SLC2A9: variants seen among roughly 807,000 people sequenced by gnomAD.
The protein encoded by SLC2A9 is solute carrier family 2 member 9.
SLC2A9 carries 39 observed loss-of-function variants against 50.6 expected under a neutral mutation model. The ratio of observed to expected loss-of-function variants is 0.77; its 90% confidence interval spans 0.60 to 1.01. The LOEUF (loss-of-function observed/expected upper bound fraction) is 1.01, where lower values mean the gene tolerates loss of function less well. Ranked by LOEUF, SLC2A9 falls within the 50% of genes least tolerant of loss-of-function variation. The pLI, the probability that SLC2A9 is intolerant of heterozygous loss-of-function variation, is 0.00. For missense variants in SLC2A9, 686 were observed against 677.6 expected (o/e 1.01, Z -0.14); for synonymous variants, 324 against 276.9 (o/e 1.17, Z -1.69).
At chr4:9,845,579 G>A (rs573987786) in intron 10 of SLC2A9, among the ~76,000 whole-genome samples, 9 of 150,378 alleles carry the variant, frequency 6.0e-5, no homozygotes, top group South Asian at 4.2e-4. Context: ...ACAGGCGCCC[G>A]CTACCACGAC....
At chr4:9,799,692 A>ACCCCCCCCCCCCCCCCCCCCTCCCCCC (rs57223650) in intron 3 of SLC2A9, among the ~76,000 whole-genome samples, 1 of 69,810 alleles carries the variant, frequency 1.4e-5, no homozygotes, top group East Asian at 4.8e-4. Context: ...TTCCAATTGT[A>ACCCCCCCCCCCCCCCCCCCCTCCCCCC]CCCCCCCCCC....
At chr4:9,970,506 T>A (rs918363442) in intron 5 of SLC2A9, among the ~76,000 whole-genome samples, 1 of 152,064 alleles carries the variant, frequency 6.6e-6, no homozygotes, top group African/African-American at 2.4e-5. Flanking sequence ...AACCACAGTT[T>A]CTGTCTGGGT....
At chr4:9,813,458 A>ACCTGCC (rs1723145421) in intron 3 of SLC2A9, among the ~76,000 whole-genome samples, 1 of 152,152 alleles carries the variant, frequency 6.6e-6, no homozygotes, top group Admixed American at 6.5e-5. Context: ...CTGCATCTGC[A>ACCTGCC]CCTGCCCTGG....
rs1721851740 is a variant in SLC2A9, at chr4:9,804,377, A to G, written n.421-5136T>C. On this transcript the variant is annotated intron_variant and non_coding_transcript_variant, in intron 3 of 3. Transcript: ENST00000503280. ...TTCACAACTTCTTTAAATGGCCCTC[A>G]ACTCATCTGCCTTTCTCTTTGACTT... Among the ~76,000 whole-genome samples the G allele has an allele frequency of 1.3e-5, 2 of 152,166 alleles. 1 individual carries two copies. Among genetic ancestry groups the G allele is most frequent in the South Asian group, 4.1e-4 (2 of 4,826 alleles).
At chr4:9,923,502 G>A (rs1361564717) in intron 6 of SLC2A9, among the ~76,000 whole-genome samples, 2 of 152,130 alleles carry the variant, frequency 1.3e-5, no homozygotes, top group African/African-American at 4.8e-5. Flanking sequence ...AGAGGAGAGG[G>A]ATAACCAGAG....
intron 10 of SLC2A9, chr4:9,878,906 G>A (rs1465060021): frequency 1.0e-5 from 4 of 382,656 alleles, no homozygotes; most frequent in Non-Finnish European, 1.4e-5. Context: ...AAGAGGTGGT[G>A]TGGAAAACAT....
At chr4:9,937,346 G>C (rs1019405768) in intron 6 of SLC2A9, among the ~76,000 whole-genome samples, 1 of 152,098 alleles carries the variant, frequency 6.6e-6, no homozygotes, top group African/African-American at 2.4e-5. Flanking sequence ...ATTTATCTCT[G>C]TGGGCCTCTG....
At chr4:9,816,702 C>T (rs1251763617) in intron 3 of SLC2A9, among the ~76,000 whole-genome samples, 1 of 151,972 alleles carries the variant, frequency 6.6e-6, no homozygotes, top group Non-Finnish European at 1.5e-5. Context: ...AAATGTCTAG[C>T]CCTTGTGACT....
At chr4:9,961,319 CTACAG>C (rs1467849878) in intron 5 of SLC2A9, among the ~76,000 whole-genome samples, 1 of 152,140 alleles carries the variant, frequency 6.6e-6, no homozygotes, top group African/African-American at 2.4e-5. Flanking sequence ...TACTACAAGG[CTACAG>C]TAACCAAAAC....
At chr4:9,774,248 C>T (rs545781798) in intron 1 of SLC2A9, among the ~76,000 whole-genome samples, 1 of 152,224 alleles carries the variant, frequency 6.6e-6, no homozygotes, top group East Asian at 1.9e-4. Context: ...CCCACCTCGG[C>T]CCCTAAAGTG....
At chr4:9,794,212 G>A (rs1354766514), downstream of SLC2A9, among the ~76,000 whole-genome samples, 5 of 151,330 alleles carry the variant, frequency 3.3e-5, no homozygotes, top group Admixed American at 1.3e-4. Flanking sequence ...GCAATGGTGC[G>A]ATCTTGGCTC....
At chr4:9,968,420 T>A (rs1753371417) in intron 5 of SLC2A9, among the ~76,000 whole-genome samples, 2 of 152,334 alleles carry the variant, frequency 1.3e-5, no homozygotes, top group African/African-American at 4.8e-5. Context: ...TGTTAGCTCC[T>A]ATAACTTCTT....
At chr4:9,926,268 G>A (rs1433878586) in intron 6 of SLC2A9, among the ~76,000 whole-genome samples, 9 of 27,908 alleles carry the variant, frequency 3.2e-4, no homozygotes, top group Non-Finnish European at 1.0e-3. Flanking sequence ...CATTGTCTCA[G>A]GACCAGTGGG....
At chr4:9,835,854 A>C (rs1320400133) in intron 10 of SLC2A9, among the ~76,000 whole-genome samples, 1 of 152,148 alleles carries the variant, frequency 6.6e-6, no homozygotes, top group Non-Finnish European at 1.5e-5. Context: ...TGGGAGGCAG[A>C]GGCCAGTGGA....
intron 11 of SLC2A9, among the ~76,000 whole-genome samples, chr4:9,833,879 G>A (rs1726596779): frequency 6.6e-6 from 1 of 152,180 alleles, no homozygotes; most frequent in Non-Finnish European, 1.5e-5. Flanking sequence ...GAGCCCTGGT[G>A]GGCATTTGAG....
chr4:9,840,180 C>A (rs1330003120), intron 10 of SLC2A9, among the ~76,000 whole-genome samples: 1 of 152,088 alleles, frequency 6.6e-6, no homozygotes, highest in African/African-American at 2.4e-5. Flanking sequence ...TAACTACTCC[C>A]TTGGGCCCCA....
At chr4:9,795,106 G>A (rs1331121664), downstream of SLC2A9, among the ~76,000 whole-genome samples, 1 of 147,738 alleles carries the variant, frequency 6.8e-6, no homozygotes, top group Non-Finnish European at 1.5e-5. Flanking sequence ...CCATCTCCCG[G>A]GTTCAAGCAA....
At chr4:9,966,210 C>G (rs902792220) in intron 5 of SLC2A9, among the ~76,000 whole-genome samples, 1 of 152,140 alleles carries the variant, frequency 6.6e-6, no homozygotes, top group Non-Finnish European at 1.5e-5. Flanking sequence ...AAAAATTGCT[C>G]ATATGTACGA....
intron 3 of SLC2A9, among the ~76,000 whole-genome samples, chr4:9,996,476 G>A (rs987174138): frequency 1.3e-5 from 2 of 152,216 alleles, no homozygotes; most frequent in Non-Finnish European, 2.9e-5. Flanking sequence ...TCTGCAGCAG[G>A]ATGGAGGGTG....
Sources: allele counts gnomAD v4.1 joint callset (sites outside exome capture counted in the v4.1 genomes callset), GRCh38; gene constraint gnomAD v4.1.1; transcripts MANE v1.5; gene names NCBI Gene and HGNC (gene_info 2026-07-23, HGNC 2026-07-21).